PWWP3A: variants seen among roughly 807,000 people sequenced by gnomAD.
PWWP3A encodes the protein PWWP domain-containing DNA repair factor 3A.
In PWWP3A, 53 loss-of-function variants were observed where a neutral mutation model predicts 79.0. The observed-to-expected ratio is 0.67, with a 90% CI of 0.54 to 0.84. PWWP3A has a LOEUF of 0.84. Among genes scored for constraint, PWWP3A ranks in the 40% least tolerant of loss-of-function variants. The probability of loss-of-function intolerance (pLI) is 0.00; values close to 1 mark genes in which losing one functional copy is unlikely to be tolerated. For synonymous variants in PWWP3A, 443 were observed against 394.4 expected (o/e 1.12, Z -1.46); for missense variants, 973 against 948.0 (o/e 1.03, Z -0.35).
rs1366863917 is a variant in PWWP3A at position 1,377,692 on chromosome 19, C to A, written c.*1116C>A. On this transcript the variant is annotated 3_prime_UTR_variant, in exon 14 of 14. Coordinates refer to ENST00000591337, the MANE Select transcript of PWWP3A (RefSeq NM_001369789.1). ...GTCCATTCTCAGTGGATGCTCCAGGCTGTGCCTACACAGCAGTGCTGGTGA... is the reference window on the plus strand; with the variant it reads ...GTCCATTCTCAGTGGATGCTCCAGGATGTGCCTACACAGCAGTGCTGGTGA... 1 of 152,340 alleles carries A rather than the reference C, an allele frequency of 6.6e-6. No individual in the cohort carries two copies. Among genetic ancestry groups the A allele is most frequent in the African/African-American group, 2.4e-5 (1 of 41,470 alleles). 9.4% of individuals were successfully genotyped at this position (152,340 alleles called of 1,614,324 possible).
intron 7 of PWWP3A, among the ~76,000 whole-genome samples, chr19:1,364,917 G>A (rs1266420245): frequency 6.6e-6 from 1 of 152,154 alleles, no homozygotes; most frequent in Non-Finnish European, 1.5e-5. Flanking sequence ...TCGGGAGTTC[G>A]AGACCAGCCT....
At chr19:1,376,295 G>GTTTTTGTTTTTTTTTTT (rs1568968591) in intron 13 of PWWP3A, among the ~76,000 whole-genome samples, 1 of 67,048 alleles carries the variant, frequency 1.5e-5, no homozygotes, top group Non-Finnish European at 3.0e-5. Flanking sequence ...CCGGCTGTTT[G>GTTTTTGTTTTTTTTTTT]TTTTTTTTTT....
intron 5 of PWWP3A, chr19:1,362,018 C>T (rs988998167): frequency 4.4e-5 from 16 of 367,720 alleles, no homozygotes; most frequent in Admixed American, 3.0e-4. Context: ...TTCCCTTCAC[C>T]GCAGGCCTCT....
At chr19:1,375,128 CA>C (rs1434876443) in intron 13 of PWWP3A, among the ~76,000 whole-genome samples, 3 of 149,532 alleles carry the variant, frequency 2.0e-5, no homozygotes, top group Admixed American at 1.3e-4. Context: ...CAGGCTGAGG[CA>C]GGGGAATCGC....
intron 3 of PWWP3A, 78 bp downstream of exon 3, chr19:1,357,172 AGTTGAAGC>A: frequency 9.3e-7 from 1 of 1,077,168 alleles, no homozygotes; most frequent in Non-Finnish European, 1.4e-6. Context: ...CCCCCAAAAC[AGTTGAAGC>A]CCAGCCCACT....
intron 7 of PWWP3A, among the ~76,000 whole-genome samples, chr19:1,365,043 C>T (rs1276241561): frequency 1.3e-5 from 2 of 152,150 alleles, no homozygotes; most frequent in Non-Finnish European, 2.9e-5. Flanking sequence ...TGGCGTGAAC[C>T]CGAGAGGTAG....
chr19:1,370,810 A>T lies in PWWP3A; in HGVS notation c.1718A>T (p.Gln573Leu). 6.4e-7 allele frequency: 1 copy of T among 1,566,220 alleles called. No homozygotes were observed. Among genetic ancestry groups the T allele is most frequent in the Non-Finnish European group, 8.7e-7 (1 of 1,154,664 alleles). Reference protein sequence around the residue: ...RSRAARDRANQKLVEYIVKAK... With the variant: ...RSRAARDRANLKLVEYIVKAK... The stretch of plus-strand genomic sequence containing the variant: ...CGGGCCGCCCGGGACCGGGCCAACC[A>T]GAAGCTGGTGGAGTACATTGTGAAG... Residue 573 changes from glutamine to leucine, a missense_variant, in exon 12 of 14, where the codon CAG (glutamine) becomes CTG (leucine). By Grantham distance (113) the Gln-to-Leu change is moderately radical. Transcript: ENST00000591337.
At chr19:1,358,164 C>G in intron 3 of PWWP3A, 2 of 474,012 alleles carry the variant, frequency 4.2e-6, no homozygotes, top group Non-Finnish European at 7.4e-6. Context: ...CTTTTAAATC[C>G]AGCCAACCTT....
intron 13 of PWWP3A, among the ~76,000 whole-genome samples, chr19:1,375,115 C>T (rs148985824): frequency 0.012 from 1,852 of 150,510 alleles, 34 homozygotes; most frequent in African/African-American, 0.042. Flanking sequence ...CCCAGCTACT[C>T]AGCAGGCTGA....
chr19:1,370,612 C>T (rs372087596), intron 11 of PWWP3A, 30 bp from the exon 12 acceptor site: 218 of 1,441,780 alleles, frequency 1.5e-4, no homozygotes, highest in Middle Eastern at 5.0e-4. Context: ...AGCCCACGCG[C>T]TGGTCCCACG....
In PWWP3A at chr19:1,370,903, C is replaced by A. The variant is rs955025655; in HGVS notation, c.1811C>A (p.Thr604Asn). Residue 604 changes from threonine (T) to asparagine (N), a missense_variant, in exon 12 of 14, where the codon ACC becomes AAC. By Grantham distance (65) the Thr-to-Asn change is moderately conservative. Coordinates refer to ENST00000591337, the MANE Select transcript of PWWP3A (RefSeq NM_001369789.1). ...AGGAAGCCATCTCGCTGGCTGCAGA[C>A]CTTCCTGAGCTCCAGCCAGTACGTG... ...KSRKPSRWLQ[T>N]FLSSSQYVTC... 13 of 1,555,418 alleles carry A rather than the reference C, an allele frequency of 8.4e-6. No homozygotes were observed. The highest frequency in any genetic ancestry group is 1.4e-5 in the African/African-American group (1 of 73,332).
At chr19:1,375,613 A>AT (rs2082365789) in intron 13 of PWWP3A, among the ~76,000 whole-genome samples, 1 of 7,260 alleles carries the variant, frequency 1.4e-4, no homozygotes, top group East Asian at 5.3e-3. Flanking sequence ...TAATATATAC[A>AT]ATTATATAAC....
At position 1,369,739 on chromosome 19, in the gene PWWP3A, TG is replaced by T; in HGVS notation, c.1549+97del. 1 of 1,400,904 alleles carries T rather than the reference TG, an allele frequency of 7.1e-7. No homozygotes were observed. The highest frequency in any genetic ancestry group is 1.2e-5 in the South Asian group (1 of 86,744). The allele number at this position is 1,400,904 out of a possible 1,614,324, so 86.8% of individuals were successfully genotyped here. On this transcript the variant is annotated intron_variant, in intron 11 of 13. Transcript: ENST00000591337. The surrounding 1 kb of genome is among the most constrained non-coding windows in gnomAD (Gnocchi z 4.0). ...TGTCTGAAGCTGTGGAAGGGGACGT[TG>T]GGGTCAAGGCACTGTCCGCAGCCAC...
chr19:1,376,827 A>C lies in PWWP3A; in HGVS notation c.*251A>C, dbSNP rs2082413624. The C allele has an allele frequency of 2.3e-6, 1 of 428,848 alleles. No individual in the cohort carries two copies. Among genetic ancestry groups the C allele is most frequent in the Non-Finnish European group, 4.2e-6 (1 of 239,052 alleles). 26.6% of individuals were successfully genotyped at this position (428,848 alleles called of 1,614,324 possible). The stretch of plus-strand genomic sequence containing the variant: ...TTTTTTACAAGATACCGTTCGGGAA[A>C]GGCTTTTGAAAGGACGGAAGCGTAT... On this transcript the variant is annotated 3_prime_UTR_variant, in exon 14 of 14. Transcript: ENST00000591337.
At chr19:1,366,679 T>C (rs1290673780) in intron 8 of PWWP3A, among the ~76,000 whole-genome samples, 3 of 152,226 alleles carry the variant, frequency 2.0e-5, no homozygotes, top group African/African-American at 7.2e-5. Context: ...GGGCCCTGTT[T>C]CCCACAAACC....
chr19:1,371,721 G>C (rs962723682), intron 12 of PWWP3A, among the ~76,000 whole-genome samples: 1 of 150,410 alleles, frequency 6.6e-6, no homozygotes, highest in African/African-American at 2.5e-5. Context: ...TTTTCAAATA[G>C]ACCCAAAAAG....
In PWWP3A at chr19:1,377,862, AGAG is replaced by A. The variant is rs1373696115; in HGVS notation, c.*1290_*1292del. The A allele has an allele frequency of 2.0e-5, 3 of 152,304 alleles. No homozygotes were observed. The East Asian group carries it at 5.8e-4, about 29-fold the overall frequency. The allele number at this position is 152,304 out of a possible 1,614,324, so 9.4% of individuals were successfully genotyped here. A position where few individuals can be genotyped will look rare whatever the true frequency, so the allele number is the denominator to read the frequency against. On this transcript the variant is annotated 3_prime_UTR_variant, in exon 14 of 14. Coordinates refer to ENST00000591337, the MANE Select transcript of PWWP3A (RefSeq NM_001369789.1). ...CTCCCCAGCCGACGACAGCCACCGG[AGAG>A]GAGATCGGAACACGATTGTCTCAGA... is the stretch of plus-strand genomic sequence containing the variant.
At chr19:1,357,993 T>G in intron 3 of PWWP3A, 1 of 167,304 alleles carries the variant, frequency 6.0e-6, no homozygotes, top group Non-Finnish European at 1.3e-5. Context: ...AATACTCGAG[T>G]TTAAAAGGAA....
At chr19:1,365,309 T>C (rs1353823699) in intron 7 of PWWP3A, among the ~76,000 whole-genome samples, 2 of 152,266 alleles carry the variant, frequency 1.3e-5, no homozygotes, top group African/African-American at 2.4e-5. Context: ...ATTCTCTGCT[T>C]CTGTCTCTGC....
Sources: gnomAD v4.1 joint callset for allele counts (sites outside exome capture counted in the v4.1 genomes callset) on GRCh38, gnomAD v4.1.1 for gene constraint, Gnocchi (gnomAD v3.1) non-coding constraint, MANE v1.5 for transcripts, NCBI Gene and HGNC (gene_info 2026-07-23, HGNC 2026-07-21) for gene names.